Variants in TNFSF4 observed in about 807,000 individuals in gnomAD.
TNFSF4 encodes the protein TNF superfamily member 4.
A neutral mutation model predicts 7.3 loss-of-function variants in TNFSF4; 4 were observed. That is an observed-to-expected ratio of 0.55 (90% CI 0.27 to 1.25). TNFSF4 has a LOEUF of 1.25. Among genes scored for constraint, TNFSF4 ranks in the 50% most tolerant of loss-of-function variants. The probability of loss-of-function intolerance (pLI) is 0.12; values close to 1 mark genes in which losing one functional copy is unlikely to be tolerated. For missense variants in TNFSF4, 181 were observed against 208.8 expected, an observed-to-expected ratio of 0.87 and a Z score of 0.82; for synonymous variants, 76 against 83.7, an observed-to-expected ratio of 0.91 and a Z score of 0.50.
intron 1 of TNFSF4, among the ~76,000 whole-genome samples, chr1:173,201,443 T>G (rs1276951396): frequency 6.6e-6 from 1 of 152,362 alleles, no homozygotes; most frequent in East Asian, 1.9e-4. Context: ...TGCACACACA[T>G]ACTATAAAGT....
upstream of TNFSF4, among the ~76,000 whole-genome samples, chr1:173,208,759 C>A: frequency 6.6e-6 from 1 of 151,418 alleles, no homozygotes. Context: ...TGTGTAAAGC[C>A]CAATTCTTGT....
the TNFSF4 span, among the ~76,000 whole-genome samples, chr1:173,413,790 T>G: frequency 6.6e-6 from 1 of 152,234 alleles, no homozygotes; most frequent in Non-Finnish European, 1.5e-5. Flanking sequence ...TAGTTCCTTT[T>G]TGGCCTAAAC....
At chr1:173,307,264 A>C in the TNFSF4 span, among the ~76,000 whole-genome samples, 1 of 151,946 alleles carries the variant, frequency 6.6e-6, no homozygotes, top group African/African-American at 2.4e-5. Context: ...TATACTATTG[A>C]TATATTGAGA....
chr1:173,402,163 C>T, the TNFSF4 span, among the ~76,000 whole-genome samples: 2 of 152,146 alleles, frequency 1.3e-5, no homozygotes, highest in African/African-American at 4.8e-5. Flanking sequence ...TACCCTAGGT[C>T]AAAGATGCAT....
At chr1:173,383,639 A>G in the TNFSF4 span, among the ~76,000 whole-genome samples, 2 of 152,220 alleles carry the variant, frequency 1.3e-5, no homozygotes, top group Non-Finnish European at 2.9e-5. Context: ...TGAATAAGAA[A>G]ATCTTGAATT....
the TNFSF4 span, among the ~76,000 whole-genome samples, chr1:173,282,462 ATT>A: frequency 1.4e-5 from 2 of 146,574 alleles, no homozygotes; most frequent in East Asian, 2.0e-4. Context: ...CACAGTCTAA[ATT>A]TTTTTTTTTT....
the TNFSF4 span, among the ~76,000 whole-genome samples, chr1:173,218,737 T>C: frequency 2.0e-5 from 3 of 152,212 alleles, no homozygotes; most frequent in Admixed American, 1.3e-4. Context: ...TCTTAGTTAC[T>C]GCTTAGAAAA....
chr1:173,225,591 T>C, the TNFSF4 span, among the ~76,000 whole-genome samples: 1 of 152,220 alleles, frequency 6.6e-6, no homozygotes, highest in Non-Finnish European at 1.5e-5. Context: ...CATATGTCGG[T>C]GTTTTAAGTA....
the TNFSF4 span, among the ~76,000 whole-genome samples, chr1:173,287,789 C>CA: frequency 1.3e-5 from 2 of 151,942 alleles, no homozygotes; most frequent in African/African-American, 4.8e-5. Flanking sequence ...TAATGCTGAG[C>CA]AAAAAATACA....
At chr1:173,359,338 T>C in the TNFSF4 span, among the ~76,000 whole-genome samples, 1 of 151,720 alleles carries the variant, frequency 6.6e-6, no homozygotes, top group Admixed American at 6.6e-5. Flanking sequence ...ATTTGATCAA[T>C]AAATACTTAT....
chr1:173,182,650 G>A (rs1336714424), downstream of TNFSF4, among the ~76,000 whole-genome samples: 2 of 152,160 alleles, frequency 1.3e-5, no homozygotes, highest in Non-Finnish European at 2.9e-5. Context: ...CTCACTAAAT[G>A]GTATTTTATT....
At chr1:173,217,711 C>T in the TNFSF4 span, among the ~76,000 whole-genome samples, 3 of 152,044 alleles carry the variant, frequency 2.0e-5, no homozygotes, top group Non-Finnish European at 4.4e-5. Flanking sequence ...AACACTATTA[C>T]AATTAATTTT....
chr1:173,218,714 T>G, the TNFSF4 span, among the ~76,000 whole-genome samples: 1 of 152,196 alleles, frequency 6.6e-6, no homozygotes, highest in Non-Finnish European at 1.5e-5. Context: ...TATAAATTTT[T>G]TTTTCATTGA....
At chr1:173,190,994 T>C (rs887827400) in intron 1 of TNFSF4, among the ~76,000 whole-genome samples, 7 of 152,212 alleles carry the variant, frequency 4.6e-5, no homozygotes, top group African/African-American at 1.7e-4. Flanking sequence ...AAGTTTAATT[T>C]AATAAAAGAG....
intron 1 of TNFSF4, among the ~76,000 whole-genome samples, chr1:173,200,182 G>A (rs557172964): frequency 3.9e-5 from 6 of 152,140 alleles, no homozygotes; most frequent in Non-Finnish European, 7.4e-5. Context: ...GCTCAGACTC[G>A]TGGCCTCGTG....
At chr1:173,380,894 T>C in the TNFSF4 span, among the ~76,000 whole-genome samples, 3 of 152,206 alleles carry the variant, frequency 2.0e-5, no homozygotes, top group South Asian at 4.1e-4. Context: ...ATTCTTCTTA[T>C]GTGGAACGTC....
the TNFSF4 span, among the ~76,000 whole-genome samples, chr1:173,345,822 T>C: frequency 0.96 from 146,047 of 152,276 alleles, 70,340 homozygotes; most frequent in East Asian, 1. Flanking sequence ...CTACCATTCC[T>C]GGGGCACCCC....
the TNFSF4 span, among the ~76,000 whole-genome samples, chr1:173,228,954 C>G: frequency 6.6e-6 from 1 of 152,164 alleles, no homozygotes; most frequent in Non-Finnish European, 1.5e-5. Flanking sequence ...CTATGTCTGA[C>G]TGGTGTACCT....
intron 1 of TNFSF4, chr1:173,205,168 T>C (rs1650128442): frequency 2.2e-6 from 2 of 929,710 alleles, no homozygotes; most frequent in Non-Finnish European, 3.1e-6. Context: ...GAACTTCAAA[T>C]ATCCTGAGCA....
Sources: gnomAD v4.1 joint callset for allele counts (sites outside exome capture counted in the v4.1 genomes callset) on GRCh38, gnomAD v4.1.1 for gene constraint, MANE v1.5 for transcripts, NCBI Gene and HGNC (gene_info 2026-07-23, HGNC 2026-07-21) for gene names.